Variants in SF3A3 observed in about 807,000 individuals in gnomAD.
SF3A3 encodes splicing factor 3a subunit 3, also known as SAP 61.
In SF3A3, 9 loss-of-function variants were observed where a neutral mutation model predicts 85.8. The observed-to-expected ratio is 0.10, with a 90% CI of 0.06 to 0.18. SF3A3 has a LOEUF of 0.18. Ranked by LOEUF, SF3A3 falls within the 10% of genes least tolerant of loss-of-function variation. The probability of loss-of-function intolerance (pLI) is 1.00; values close to 1 mark genes in which losing one functional copy is unlikely to be tolerated. For synonymous variants in SF3A3, 195 were observed against 204.4 expected (o/e 0.95, Z 0.39); for missense variants, 306 against 593.3 (o/e 0.52, Z 5.03).
At chr1:37,977,715 G>C (rs1646388616) in intron 11 of SF3A3, among the ~76,000 whole-genome samples, 1 of 151,918 alleles carries the variant, frequency 6.6e-6, no homozygotes, top group Non-Finnish European at 1.5e-5. Flanking sequence ...GGCGCACTCT[G>C]GTAATCTCAG....
At chr1:37,988,841 T>A (rs1646472584) in intron 2 of SF3A3, among the ~76,000 whole-genome samples, 1 of 151,466 alleles carries the variant, frequency 6.6e-6, no homozygotes, top group African/African-American at 2.4e-5. Context: ...AGAAAAACAC[T>A]AACATACGGG....
intron 12 of SF3A3, among the ~76,000 whole-genome samples, chr1:37,975,170 G>C (rs1646371098): frequency 6.6e-6 from 1 of 152,164 alleles, no homozygotes; most frequent in African/African-American, 2.4e-5. Context: ...GAAAGTATTT[G>C]GCTAGAACTG....
At chr1:37,988,892 T>C (rs970720862) in intron 2 of SF3A3, among the ~76,000 whole-genome samples, 3 of 148,788 alleles carry the variant, frequency 2.0e-5, no homozygotes, top group Non-Finnish European at 3.0e-5. Flanking sequence ...TATATATATA[T>C]ATATTTTTTT....
chr1:37,983,264 A>T (rs1476886600), intron 6 of SF3A3, among the ~76,000 whole-genome samples: 2 of 151,066 alleles, frequency 1.3e-5, no homozygotes, highest in East Asian at 3.9e-4. Context: ...TTTAAAAAAA[A>T]AAAAAAAAAA....
At chr1:37,968,619 T>C (rs1400459586) in intron 14 of SF3A3, among the ~76,000 whole-genome samples, 1 of 152,182 alleles carries the variant, frequency 6.6e-6, no homozygotes, top group Non-Finnish European at 1.5e-5. Context: ...CAGTTTTAAC[T>C]AAGGGATGGT....
chr1:37,979,608 C>A, intron 8 of SF3A3, 75 bp from the exon 9 acceptor site: 1 of 1,157,460 alleles, frequency 8.6e-7, no homozygotes, highest in Non-Finnish European at 1.3e-6. Flanking sequence ...GTAATCTCAG[C>A]ATTTTGGGAG....
intron 7 of SF3A3, among the ~76,000 whole-genome samples, chr1:37,981,100 C>T (rs1408279415): frequency 3.3e-5 from 5 of 152,028 alleles, no homozygotes; most frequent in Non-Finnish European, 4.4e-5. Context: ...CCGTCTGCCT[C>T]GGCCTCCCAA....
rs1217383213 is a variant in SF3A3, at chr1:37,957,438, C to T, written c.*748G>A. 2 of 138,166 alleles carry T rather than the reference C, an allele frequency of 1.4e-5. No individual in the cohort carries two copies. The highest frequency in any genetic ancestry group is 5.4e-5 in the African/African-American group (2 of 37,216). 8.6% of individuals were successfully genotyped at this position (138,166 alleles called of 1,614,324 possible). On this transcript the variant is annotated 3_prime_UTR_variant, in exon 17 of 17. Coordinates refer to ENST00000373019, the MANE Select transcript of SF3A3 (RefSeq NM_006802.4). The stretch of plus-strand genomic sequence containing the variant: ...CTCACTATATCGCCCAGGCTGGTCT[C>T]AAACTCCTAGGTTCAAAGGATCTTC...
intron 6 of SF3A3, among the ~76,000 whole-genome samples, chr1:37,982,230 A>G (rs2148723185): frequency 6.6e-6 from 1 of 152,226 alleles, no homozygotes; most frequent in South Asian, 2.1e-4. Flanking sequence ...CAGACAAGGG[A>G]TCTGACTTGC....
intron 15 of SF3A3, among the ~76,000 whole-genome samples, chr1:37,967,827 T>A (rs1453885934): frequency 6.7e-6 from 1 of 149,322 alleles, no homozygotes; most frequent in Non-Finnish European, 1.5e-5. Context: ...ACCATTACAC[T>A]CCAGCCTGGC....
At chr1:37,983,586 C>CAAAAAAAAAAAAAAAAAA (rs371317065) in intron 6 of SF3A3, among the ~76,000 whole-genome samples, 410 of 38,418 alleles carry the variant, frequency 0.011, 70 homozygotes, top group East Asian at 0.028. Flanking sequence ...GACCCTGTCT[C>CAAAAAAAAAAAAAAAAAA]AAAAAAAAAA....
At chr1:37,988,362 T>G (rs941628895) in intron 2 of SF3A3, among the ~76,000 whole-genome samples, 6 of 152,222 alleles carry the variant, frequency 3.9e-5, no homozygotes, top group Non-Finnish European at 5.9e-5. Context: ...GAATTTGGAA[T>G]GTTTAAGTTC....
chr1:37,973,975 G>A lies in SF3A3; in HGVS notation c.1005+2909C>T, dbSNP rs558433007. Among the ~76,000 whole-genome samples, 15 of 152,172 alleles carry A rather than the reference G, an allele frequency of 9.9e-5. No homozygotes were observed. The East Asian group carries it at 1.2e-3, about 12-fold the overall frequency. On this transcript the variant is annotated intron_variant, in intron 12 of 16. Coordinates refer to ENST00000373019, the MANE Select transcript of SF3A3 (RefSeq NM_006802.4). ...AAACCATCATTCTGAGCAAACTATC[G>A]CAAGGACAGAAAACCAAACACCGAA...
intron 15 of SF3A3, among the ~76,000 whole-genome samples, chr1:37,961,954 G>A (rs1173058124): frequency 6.6e-6 from 1 of 150,984 alleles, no homozygotes; most frequent in African/African-American, 2.4e-5. Context: ...GTGTGGTGGT[G>A]CATGCCTGTA....
In SF3A3 at chr1:37,969,212, T is replaced by C. The variant is rs774160750; in HGVS notation, c.1281+142A>G. 4.7e-6 allele frequency: 3 copies of C among 639,348 alleles called. No homozygotes were observed. In the African/African-American group the frequency reaches 5.5e-5, roughly 12 times the overall value. 39.6% of individuals were successfully genotyped at this position (639,348 alleles called of 1,614,324 possible). ...CATTGGTGCCAAAAGTCAAATGCCA[T>C]GGGCTTGATTTTAAAACCATCCTTC... On this transcript the variant is annotated intron_variant, in intron 14 of 16. Coordinates refer to ENST00000373019, the MANE Select transcript of SF3A3 (RefSeq NM_006802.4).
chr1:37,980,601 G>C lies in SF3A3; in HGVS notation c.675C>G (p.Thr225=), dbSNP rs1646411370. ...TGAAGCTCACCGGCCATCCAGGAAA[G>C]GTCCCATTCTCCCATTTCTTCTCAA... ...AEFEKKWENG[T]FPGWPKETSS... is the part of the protein sequence containing the mutation. Residue 225 remains threonine (T), a synonymous_variant, in exon 8 of 17, where the codon ACC becomes ACG. Transcript: ENST00000373019. The C allele has an allele frequency of 6.2e-7, 1 of 1,613,902 alleles. No individual in the cohort carries two copies. The highest frequency in any genetic ancestry group is 1.3e-5 in the African/African-American group (1 of 74,992).
chr1:37,982,879 G>GATCA (rs1251258563), intron 6 of SF3A3, among the ~76,000 whole-genome samples: 2 of 151,878 alleles, frequency 1.3e-5, no homozygotes, highest in Non-Finnish European at 2.9e-5. Flanking sequence ...AGGATTGATT[G>GATCA]AGTCCAGGAG....
At position 37,989,980 on chromosome 1, in the gene SF3A3, G is replaced by T; in HGVS notation, c.-15C>A. 6.3e-7 allele frequency: 1 copy of T among 1,598,422 alleles called. No individual in the cohort carries two copies. The highest frequency in any genetic ancestry group is 1.1e-5 in the South Asian group (1 of 90,860). On this transcript the variant is annotated 5_prime_UTR_variant, in exon 1 of 17. Transcript: ENST00000373019. Reference sequence around the variant, plus strand: ...ATTGTCTCCATCTTCCCTTAGTCGCGGCTTCTCAATTCAGACCACCAACAC... The same window carrying T: ...ATTGTCTCCATCTTCCCTTAGTCGCTGCTTCTCAATTCAGACCACCAACAC...
At chr1:37,967,548 G>A (rs375581130) in intron 15 of SF3A3, among the ~76,000 whole-genome samples, 4 of 150,866 alleles carry the variant, frequency 2.7e-5, no homozygotes, top group South Asian at 2.1e-4. Flanking sequence ...GTGTGGTGGC[G>A]GGCGCCTGTA....
Sources: gnomAD v4.1 joint callset for allele counts (sites outside exome capture counted in the v4.1 genomes callset) on GRCh38, gnomAD v4.1.1 for gene constraint, MANE v1.5 for transcripts, NCBI Gene and HGNC (gene_info 2026-07-23, HGNC 2026-07-21) for gene names.